The following EPB41 variants were observed in gnomAD, a reference collection of about 807,000 sequenced individuals.
EPB41 encodes the protein protein 4.1.
Under a neutral mutation model 108.0 loss-of-function variants are expected in EPB41, and 65 were observed. The ratio of observed to expected loss-of-function variants is 0.60; its 90% CI spans 0.49 to 0.74. EPB41 has a LOEUF of 0.74. Among genes scored for constraint, EPB41 ranks in the 30% least tolerant of loss-of-function variants. EPB41 has a pLI of 0.00. For missense variants in EPB41, 875 were observed against 1,037.0 expected, an observed-to-expected ratio of 0.84 and a Z score of 2.15; for synonymous variants, 336 against 358.9, an observed-to-expected ratio of 0.94 and a Z score of 0.72.
intron 4 of EPB41, among the ~76,000 whole-genome samples, chr1:29,008,655 C>T (rs2096451577): frequency 6.6e-6 from 1 of 152,152 alleles, no homozygotes. Context: ...GATGTCACTC[C>T]TTTATTTTAA....
intron 11 of EPB41, among the ~76,000 whole-genome samples, chr1:29,046,589 A>G (rs1279482609): frequency 6.6e-6 from 1 of 152,140 alleles, no homozygotes; most frequent in Admixed American, 6.6e-5. Context: ...AGAACGTCCA[A>G]TGTAATGCTG....
chr1:29,029,034 C>T (rs922887115), intron 7 of EPB41, among the ~76,000 whole-genome samples: 12 of 135,048 alleles, frequency 8.9e-5, no homozygotes, highest in Admixed American at 2.3e-4. Flanking sequence ...AGAGTGAGAC[C>T]CTGTCTCAAA....
At chr1:29,009,127 C>G (rs866181216) in intron 4 of EPB41, among the ~76,000 whole-genome samples, 2 of 149,700 alleles carry the variant, frequency 1.3e-5, no homozygotes, top group Non-Finnish European at 3.0e-5. Flanking sequence ...AGGACCAGTG[C>G]TAGTTTTTAA....
At chr1:28,914,358 G>T (rs2092419221), upstream of EPB41, among the ~76,000 whole-genome samples, 1 of 152,132 alleles carries the variant, frequency 6.6e-6, no homozygotes, top group South Asian at 2.1e-4. Context: ...TCTCTTTTTC[G>T]TTCCCCTCTC....
chr1:28,892,990 C>T (rs965905594), intron 1 of EPB41, among the ~76,000 whole-genome samples: 3 of 151,766 alleles, frequency 2.0e-5, no homozygotes, highest in East Asian at 2.0e-4. Context: ...TTTGGAGAGA[C>T]GGAGTTTCAC....
intron 1 of EPB41, among the ~76,000 whole-genome samples, chr1:28,968,994 A>C (rs2095430494): frequency 7.0e-6 from 1 of 142,734 alleles, no homozygotes; most frequent in Non-Finnish European, 1.5e-5. Flanking sequence ...AAAAAAAAAC[A>C]CAAACTAAAT....
At chr1:28,933,266 G>T (rs2093838688) in intron 1 of EPB41, among the ~76,000 whole-genome samples, 1 of 152,178 alleles carries the variant, frequency 6.6e-6, no homozygotes. Flanking sequence ...TAGGAAGAGA[G>T]AAATAAGTAA....
intron 7 of EPB41, among the ~76,000 whole-genome samples, chr1:29,020,231 C>T (rs976253060): frequency 1.3e-5 from 2 of 151,900 alleles, no homozygotes; most frequent in Non-Finnish European, 2.9e-5. Context: ...ACACACCTGG[C>T]TAATTTTTTG....
chr1:29,109,477 C>A, intron 18 of EPB41, 40 bp downstream of exon 18: 1 of 1,561,694 alleles, frequency 6.4e-7, no homozygotes. Flanking sequence ...AACCCAGGGG[C>A]AGGCTAAGCT....
At chr1:28,946,264 C>T (rs56906456) in intron 1 of EPB41, among the ~76,000 whole-genome samples, 17,754 of 151,096 alleles carry the variant, frequency 0.12, 1,291 homozygotes, top group African/African-American at 0.21. Flanking sequence ...GGCGCAATTT[C>T]GGCTCACTGC....
At chr1:29,063,100 C>T (rs1419967642) in intron 15 of EPB41, among the ~76,000 whole-genome samples, 1 of 152,142 alleles carries the variant, frequency 6.6e-6, no homozygotes, top group Non-Finnish European at 1.5e-5. Flanking sequence ...TTAGGTTGTT[C>T]TTGGCCCAAA....
intron 17 of EPB41, among the ~76,000 whole-genome samples, chr1:29,102,436 A>C (rs574054667): frequency 2.6e-5 from 4 of 152,310 alleles, no homozygotes; most frequent in East Asian, 3.9e-4. Flanking sequence ...AAAACAAAAA[A>C]CCAACAACCA....
At chr1:28,986,803 G>A (rs971738177) in intron 1 of EPB41, among the ~76,000 whole-genome samples, 11 of 152,164 alleles carry the variant, frequency 7.2e-5, no homozygotes, top group African/African-American at 2.2e-4. Flanking sequence ...TCTGAAAGAG[G>A]TTGTAATTTG....
chr1:29,011,607 T>A (rs2096502311), intron 4 of EPB41, among the ~76,000 whole-genome samples: 2 of 152,222 alleles, frequency 1.3e-5, no homozygotes, highest in Admixed American at 1.3e-4. Context: ...TCTCATTGTA[T>A]AGATGAGGAA....
At chr1:29,032,097 TAAAAAA>T (rs76135314) in intron 8 of EPB41, among the ~76,000 whole-genome samples, 8 of 128,056 alleles carry the variant, frequency 6.2e-5, no homozygotes, top group East Asian at 2.2e-4. Context: ...GACTCTGTCT[TAAAAAA>T]AAAAAAAAAA....
At chr1:28,935,610 G>A (rs564992300) in intron 1 of EPB41, among the ~76,000 whole-genome samples, 1 of 151,612 alleles carries the variant, frequency 6.6e-6, no homozygotes, top group Non-Finnish European at 1.5e-5. Flanking sequence ...CCATCGAGTA[G>A]GTAATCTCTC....
chr1:28,998,000 T>A (rs1004676836), intron 4 of EPB41, among the ~76,000 whole-genome samples: 2 of 152,180 alleles, frequency 1.3e-5, no homozygotes, highest in African/African-American at 2.4e-5. Context: ...TTTAGTCCAG[T>A]TTAACAAGTA....
intron 1 of EPB41, among the ~76,000 whole-genome samples, chr1:28,947,408 GACAAACAAACAA>G (rs61120635): frequency 0.19 from 28,214 of 149,612 alleles, 3,121 homozygotes; most frequent in East Asian, 0.4. Flanking sequence ...CTCCGTCTCA[GACAAACAAACAA>G]ACAAACAAAC....
intron 1 of EPB41, among the ~76,000 whole-genome samples, chr1:28,915,373 C>T (rs1468569963): frequency 3.9e-5 from 6 of 152,070 alleles, no homozygotes; most frequent in African/African-American, 1.4e-4. Flanking sequence ...TTTTTCAGTT[C>T]GCGCATCTGT....
Sources: allele counts gnomAD v4.1 joint callset (sites outside exome capture counted in the v4.1 genomes callset), GRCh38; gene constraint gnomAD v4.1.1; transcripts MANE v1.5; gene names NCBI Gene and HGNC (gene_info 2026-07-23, HGNC 2026-07-21).